DYNLT2B: variants seen among roughly 807,000 people sequenced by gnomAD.
DYNLT2B encodes dynein light chain Tctex-type 2B.
Under a neutral mutation model 19.5 loss-of-function variants are expected in DYNLT2B, and 14 were observed. The observed-to-expected ratio is 0.72, with a 90% CI of 0.47 to 1.12. DYNLT2B has a LOEUF of 1.12. DYNLT2B is among the 50% of genes most tolerant of loss of function. The pLI, the probability that DYNLT2B is intolerant of heterozygous loss-of-function variation, is 0.00. For missense variants in DYNLT2B, 133 were observed against 174.7 expected, an observed-to-expected ratio of 0.76 and a Z score of 1.35; for synonymous variants, 70 against 59.7, an observed-to-expected ratio of 1.17 and a Z score of -0.79.
intron 2 of DYNLT2B, among the ~76,000 whole-genome samples, chr3:196,314,613 G>GATCGGCCAGGAGCTCAAC (rs1726727997): frequency 1.3e-5 from 2 of 151,922 alleles, no homozygotes; most frequent in African/African-American, 4.8e-5. Context: ...AGGAGCTCAA[G>GATCGGCCAGGAGCTCAAC]ATCAGCCAGG....
intron 3 of DYNLT2B, among the ~76,000 whole-genome samples, chr3:196,304,484 A>C (rs1376361530): frequency 6.6e-6 from 1 of 151,934 alleles, no homozygotes; most frequent in Non-Finnish European, 1.5e-5. Flanking sequence ...TCCCAAACTG[A>C]TAAAAAAAAT....
At chr3:196,304,893 CCTAT>C (rs1194049798) in intron 3 of DYNLT2B, among the ~76,000 whole-genome samples, 1 of 152,022 alleles carries the variant, frequency 6.6e-6, no homozygotes, top group Non-Finnish European at 1.5e-5. Flanking sequence ...TACCTACCTA[CCTAT>C]CTGAGGCAGG....
chr3:196,303,396 T>C (rs932582207), intron 3 of DYNLT2B, among the ~76,000 whole-genome samples: 1 of 152,134 alleles, frequency 6.6e-6, no homozygotes, highest in East Asian at 1.9e-4. Context: ...AGCGGGCAAG[T>C]GAACCCACTG....
chr3:196,308,012 C>T (rs952276002), intron 2 of DYNLT2B, among the ~76,000 whole-genome samples: 3 of 140,442 alleles, frequency 2.1e-5, no homozygotes, highest in African/African-American at 5.4e-5. Context: ...ACCTGGGAGG[C>T]GGAGGTTGCA....
intron 2 of DYNLT2B, among the ~76,000 whole-genome samples, chr3:196,308,039 C>T (rs1277108281): frequency 6.7e-6 from 1 of 148,792 alleles, no homozygotes; most frequent in Non-Finnish European, 1.5e-5. Context: ...TGAGATCGCA[C>T]CATTGCACAC....
At chr3:196,318,008 G>C in intron 1 of DYNLT2B, 32 bp downstream of exon 1, 1 of 1,381,020 alleles carries the variant, frequency 7.2e-7, no homozygotes, top group Non-Finnish European at 9.6e-7. Flanking sequence ...GCGCGCTCGA[G>C]GTCGCCCCGC....
intron 4 of DYNLT2B, among the ~76,000 whole-genome samples, chr3:196,293,941 C>CA (rs942631032): frequency 1.0e-4 from 15 of 150,456 alleles, no homozygotes; most frequent in Middle Eastern, 3.4e-3. Flanking sequence ...CCGTGCCTGG[C>CA]AAAAAAAACC....
intron 3 of DYNLT2B, chr3:196,305,861 A>C (rs1229228512): frequency 1.3e-5 from 2 of 153,486 alleles, no homozygotes; most frequent in African/African-American, 4.8e-5. Flanking sequence ...CAAAAACAAC[A>C]CATTGAAGTA....
intron 2 of DYNLT2B, among the ~76,000 whole-genome samples, chr3:196,309,273 T>G (rs1167758686): frequency 6.6e-6 from 1 of 152,104 alleles, no homozygotes; most frequent in Non-Finnish European, 1.5e-5. Flanking sequence ...TTTCTTTTTT[T>G]CTTTTTTTTG....
At chr3:196,311,986 G>T (rs1726655947) in intron 2 of DYNLT2B, among the ~76,000 whole-genome samples, 5 of 152,158 alleles carry the variant, frequency 3.3e-5, no homozygotes, top group African/African-American at 1.2e-4. Context: ...CTGCCTCCTG[G>T]GTTCAAGCTA....
chr3:196,313,587 C>A (rs1333093291), intron 2 of DYNLT2B, among the ~76,000 whole-genome samples: 1 of 151,856 alleles, frequency 6.6e-6, no homozygotes, highest in African/African-American at 2.4e-5. Flanking sequence ...GAATGTGTAC[C>A]ATTTTTTACA....
chr3:196,310,394 G>A (rs952305112), intron 2 of DYNLT2B, among the ~76,000 whole-genome samples: 2 of 151,610 alleles, frequency 1.3e-5, no homozygotes, highest in Non-Finnish European at 2.9e-5. Context: ...TTACAGGCGT[G>A]AGCCACCGCA....
chr3:196,292,845 A>C lies in DYNLT2B; in HGVS notation c.382-1471T>G, dbSNP rs73086658. Among the ~76,000 whole-genome samples, 1,481 of 151,876 alleles carry C rather than the reference A, an allele frequency of 9.8e-3. 33 individuals are homozygous for C. The highest frequency in any genetic ancestry group is 0.034 in the African/African-American group (1,406 of 41,428). On this transcript the variant is annotated intron_variant, in intron 4 of 4. Transcript: ENST00000325318. ...TCTGCCTCTACTAATGTTTCCTGGA[A>C]TCTCCCAAATAAAGTGCTTTTTTTT...
At chr3:196,303,979 C>T (rs1038048795) in intron 3 of DYNLT2B, among the ~76,000 whole-genome samples, 1 of 152,170 alleles carries the variant, frequency 6.6e-6, no homozygotes, top group Non-Finnish European at 1.5e-5. Flanking sequence ...GCCACGGTTG[C>T]ACCACTGCAC....
intron 3 of DYNLT2B, among the ~76,000 whole-genome samples, chr3:196,303,356 CCT>C (rs901452351): frequency 2.0e-5 from 3 of 152,160 alleles, no homozygotes; most frequent in African/African-American, 7.2e-5. Context: ...TGGCAATTCC[CCT>C]GTCATGATGA....
At chr3:196,316,034 G>A (rs769095482) in intron 2 of DYNLT2B, 64 bp downstream of exon 2, 239 of 1,551,454 alleles carry the variant, frequency 1.5e-4, no homozygotes, top group Admixed American at 1.9e-4. Flanking sequence ...GATGGAGAGG[G>A]GGCAAATGGG....
intron 3 of DYNLT2B, chr3:196,296,352 TTG>T (rs370273560): frequency 1.1e-4 from 30 of 276,958 alleles, no homozygotes; most frequent in African/African-American, 6.1e-4. Context: ...TACTAGAGAT[TTG>T]TGTGTGACTT....
chr3:196,300,731 A>G (rs944799727), intron 3 of DYNLT2B, among the ~76,000 whole-genome samples: 6 of 54,740 alleles, frequency 1.1e-4, no homozygotes, highest in Non-Finnish European at 2.8e-4. Flanking sequence ...CTCTGTCTCC[A>G]AAAAAAAAAA....
chr3:196,316,034 G>C, intron 2 of DYNLT2B, 64 bp downstream of exon 2: 1 of 1,551,572 alleles, frequency 6.4e-7, no homozygotes, highest in Non-Finnish European at 8.8e-7. Flanking sequence ...GATGGAGAGG[G>C]GGCAAATGGG....
Sources: gnomAD v4.1 joint callset for allele counts (sites outside exome capture counted in the v4.1 genomes callset) on GRCh38, gnomAD v4.1.1 for gene constraint, MANE v1.5 for transcripts, NCBI Gene and HGNC (gene_info 2026-07-23, HGNC 2026-07-21) for gene names.